The following IPPK variants were observed in gnomAD, a reference collection of about 807,000 sequenced individuals.
IPPK encodes the protein IPK1 homolog.
Under a neutral mutation model 64.6 loss-of-function variants are expected in IPPK, and 22 were observed. The ratio of observed to expected loss-of-function variants is 0.34; its 90% CI spans 0.24 to 0.49. The LOEUF is 0.49. IPPK is among the 20% of genes least tolerant of loss of function. The pLI, the probability that IPPK is intolerant of heterozygous loss-of-function variation, is 0.99. For synonymous variants in IPPK, 262 were observed against 247.2 expected (o/e 1.06, Z -0.56); for missense variants, 532 against 630.7 (o/e 0.84, Z 1.68).
At chr9:92,626,131 C>T (rs1487021693) in intron 11 of IPPK, among the ~76,000 whole-genome samples, 1 of 152,166 alleles carries the variant, frequency 6.6e-6, no homozygotes, top group Non-Finnish European at 1.5e-5. Context: ...GGTGTGGTAG[C>T]TCACGCCTGT....
At chr9:92,646,463 A>T (rs1852151879) in intron 6 of IPPK, among the ~76,000 whole-genome samples, 1 of 152,276 alleles carries the variant, frequency 6.6e-6, no homozygotes, top group South Asian at 2.1e-4. Flanking sequence ...CAGTAACAAA[A>T]GAAAATTTGA....
chr9:92,656,247 C>T (rs1003171955), intron 3 of IPPK, among the ~76,000 whole-genome samples: 4 of 152,138 alleles, frequency 2.6e-5, no homozygotes, highest in African/African-American at 7.2e-5. Context: ...CAGGGGTTCA[C>T]GTGGGCCCTC....
At position 92,669,911 on chromosome 9, in the gene IPPK, C is replaced by A. The variant is rs772731860; in HGVS notation, c.78G>T (p.Ala26=). Residue 26 remains alanine (A), a synonymous_variant, in exon 1 of 13, where the codon GCG becomes GCT. Transcript: ENST00000287996. ...EGNKSLVVAH[A]QRCVVLRFLK... is the part of the protein sequence containing the mutation. Reference sequence around the variant, plus strand: ...GCGCCGCACGTCCACCGCTCACCTGCGCGTGGGCCACCACCAGGCTCTTAT... The same window carrying A: ...GCGCCGCACGTCCACCGCTCACCTGAGCGTGGGCCACCACCAGGCTCTTAT... The A allele has an allele frequency of 1.2e-6, 2 of 1,610,424 alleles. No homozygotes were observed. Among genetic ancestry groups the A allele is most frequent in the Non-Finnish European group, 1.7e-6 (2 of 1,177,830 alleles).
intron 1 of IPPK, among the ~76,000 whole-genome samples, chr9:92,662,650 T>G (rs1475684670): frequency 6.6e-6 from 1 of 152,226 alleles, no homozygotes; most frequent in Admixed American, 6.5e-5. Flanking sequence ...CACACCTTTA[T>G]GTCTTGGTAA....
At chr9:92,619,833 C>T in intron 11 of IPPK, 1 of 500,672 alleles carries the variant, frequency 2.0e-6, no homozygotes, top group African/African-American at 1.9e-5. Context: ...CGACTCCAGA[C>T]CCTGAGACGG....
chr9:92,627,856 G>T (rs920640162), intron 11 of IPPK, among the ~76,000 whole-genome samples: 1 of 152,044 alleles, frequency 6.6e-6, no homozygotes, highest in African/African-American at 2.4e-5. Context: ...AGGAAATTAC[G>T]CAAGAAAAAT....
chr9:92,613,282 T>G lies in IPPK; in HGVS notation c.*2550A>C. On this transcript the variant is annotated 3_prime_UTR_variant, in exon 13 of 13. Coordinates refer to ENST00000287996, the MANE Select transcript of IPPK (RefSeq NM_022755.6). ...GTGCTGTCTATGCAGTTATGGCACATTATATGGAAACTCTCATGACATGAA... is the reference window on the plus strand; with the variant it reads ...GTGCTGTCTATGCAGTTATGGCACAGTATATGGAAACTCTCATGACATGAA... 1 of 967,748 alleles carries G rather than the reference T, an allele frequency of 1.0e-6. No individual in the cohort carries two copies. Among genetic ancestry groups the G allele is most frequent in the Non-Finnish European group, 1.6e-6 (1 of 644,618 alleles). 59.9% of individuals were successfully genotyped at this position (967,748 alleles called of 1,614,324 possible). A position where few individuals can be genotyped will look rare whatever the true frequency, so the allele number is the denominator to read the frequency against.
At chr9:92,669,088 C>T (rs751781) in intron 1 of IPPK, among the ~76,000 whole-genome samples, 4,274 of 152,310 alleles carry the variant, frequency 0.028, 96 homozygotes, top group Non-Finnish European at 0.044. Context: ...TTCCACTTCA[C>T]AAATGTAGAC....
rs1189147735 is a variant in IPPK at position 92,614,138 on chromosome 9, T to TAAC, written c.*1691_*1693dup. On this transcript the variant is annotated 3_prime_UTR_variant, in exon 13 of 13. Coordinates refer to ENST00000287996, the MANE Select transcript of IPPK (RefSeq NM_022755.6). Reference sequence around the variant, plus strand: ...CCTGTCTGGGCCCTGTGCTAGGCAATAACTCTTGCAGCCCTGAAGGACCTA... The same window carrying TAAC: ...CCTGTCTGGGCCCTGTGCTAGGCAATAACAACTCTTGCAGCCCTGAAGGACCTA... The TAAC allele has an allele frequency of 6.6e-6, 1 of 152,252 alleles. No individual in the cohort carries two copies. Among genetic ancestry groups the TAAC allele is most frequent in the African/African-American group, 2.4e-5 (1 of 41,430 alleles). The allele number at this position is 152,252 out of a possible 1,614,324, so 9.4% of individuals were successfully genotyped here.
Position 92,615,739 on chromosome 9 carries a change from T to G in IPPK, c.*93A>C. 2 of 1,075,892 alleles carry G rather than the reference T, an allele frequency of 1.9e-6. No individual in the cohort carries two copies. Among genetic ancestry groups the G allele is most frequent in the Non-Finnish European group, 2.8e-6 (2 of 724,348 alleles). The allele number at this position is 1,075,892 out of a possible 1,614,324, so 66.6% of individuals were successfully genotyped here. A position where few individuals can be genotyped will look rare whatever the true frequency, so the allele number is the denominator to read the frequency against. ...CAAAAGGGGTTAAAAGCAAAAACAT[T>G]CACAACCAAAGGTCACCCAACACAA... On this transcript the variant is annotated 3_prime_UTR_variant, in exon 13 of 13. Transcript: ENST00000287996.
intron 4 of IPPK, among the ~76,000 whole-genome samples, chr9:92,651,392 T>G: frequency 6.6e-6 from 1 of 150,780 alleles, no homozygotes. Context: ...AGGGAGTGGG[T>G]GGGGATGGAG....
intron 11 of IPPK, among the ~76,000 whole-genome samples, chr9:92,628,920 C>T (rs1564029568): frequency 6.6e-6 from 1 of 151,896 alleles, no homozygotes; most frequent in Non-Finnish European, 1.5e-5. Context: ...AACTGTATAT[C>T]TACATGCAAA....
chr9:92,619,803 C>T (rs899214047), intron 11 of IPPK: 29 of 543,668 alleles, frequency 5.3e-5, no homozygotes, highest in Admixed American at 2.4e-4. Context: ...TGACCTCTCA[C>T]GGCAAGCAGT....
intron 5 of IPPK, 72 bp from the exon 6 acceptor site, chr9:92,648,220 G>T: frequency 1.8e-6 from 2 of 1,123,634 alleles, no homozygotes; most frequent in South Asian, 1.3e-5. Context: ...ACATATCACT[G>T]ACTACAAGAT....
chr9:92,650,784 G>C (rs1852251921), intron 4 of IPPK, among the ~76,000 whole-genome samples: 1 of 152,098 alleles, frequency 6.6e-6, no homozygotes, highest in African/African-American at 2.4e-5. Context: ...GAAGAGGAGG[G>C]GGCTGCAGGC....
chr9:92,634,472 C>G lies in IPPK; in HGVS notation c.1084G>C (p.Asp362His). ...FPEERKTLQI[D>H]GPYDEAFYQK... ...TAAAATGCTTCATCATAAGGCCCAT[C>G]TATTTGTAAGGTTTTTCTGAAGAAG... is the stretch of plus-strand genomic sequence containing the variant. The change falls in exon 11 of 13, where the codon GAT (aspartate) becomes CAT (histidine). Residue 362 changes from aspartate (D) to histidine (H), a missense_variant. Coordinates refer to ENST00000287996, the MANE Select transcript of IPPK (RefSeq NM_022755.6). The G allele has an allele frequency of 2.5e-6, 4 of 1,613,578 alleles. No individual in the cohort carries two copies. Among genetic ancestry groups the G allele is most frequent in the South Asian group, 1.1e-5 (1 of 91,072 alleles).
chr9:92,631,444 A>C (rs1851843840), intron 11 of IPPK, among the ~76,000 whole-genome samples: 1 of 152,114 alleles, frequency 6.6e-6, no homozygotes, highest in African/African-American at 2.4e-5. Flanking sequence ...AGCCTCCCAC[A>C]GTGTTGGGAT....
rs1293123546 is a variant in IPPK at position 92,614,060 on chromosome 9, CTG to C, written c.*1770_*1771del. The C allele has an allele frequency of 6.6e-6, 1 of 152,294 alleles. No individual in the cohort carries two copies. The highest frequency in any genetic ancestry group is 1.5e-5 in the Non-Finnish European group (1 of 68,106). The allele number at this position is 152,294 out of a possible 1,614,324, so 9.4% of individuals were successfully genotyped here. On this transcript the variant is annotated 3_prime_UTR_variant, in exon 13 of 13. Transcript: ENST00000287996. The stretch of plus-strand genomic sequence containing the variant: ...GACCAGACAGAGTGGGGGTCTCCAT[CTG>C]TTTTCTCTTCTCCCTCAAATACAGG...
At chr9:92,625,094 T>C (rs1389009920) in intron 11 of IPPK, among the ~76,000 whole-genome samples, 2 of 152,216 alleles carry the variant, frequency 1.3e-5, no homozygotes, top group Non-Finnish European at 2.9e-5. Context: ...TGTCCAAATA[T>C]AAGTGGTGGT....
Sources: gnomAD v4.1 joint callset for allele counts (sites outside exome capture counted in the v4.1 genomes callset) on GRCh38, gnomAD v4.1.1 for gene constraint, MANE v1.5 for transcripts, NCBI Gene and HGNC (gene_info 2026-07-23, HGNC 2026-07-21) for gene names.